The following PRELID2 variants were observed in gnomAD, a reference collection of about 807,000 sequenced individuals.
PRELID2 encodes the protein PRELI domain-containing protein 2.
Under a neutral mutation model 28.4 loss-of-function variants are expected in PRELID2, and 25 were observed. The ratio of observed to expected loss-of-function variants is 0.88; its 90% CI spans 0.64 to 1.23. The LOEUF is 1.23. Ranked by LOEUF, PRELID2 falls within the 50% of genes most tolerant of loss-of-function variation. The pLI is 0.00. For missense variants in PRELID2, 201 were observed against 214.4 expected, an observed-to-expected ratio of 0.94 and a Z score of 0.39; for synonymous variants, 76 against 71.6, an observed-to-expected ratio of 1.06 and a Z score of -0.31.
intron 1 of PRELID2, among the ~76,000 whole-genome samples, chr5:145,484,770 G>C (rs140713580): frequency 1.6e-3 from 242 of 152,202 alleles, no homozygotes; most frequent in African/African-American, 5.5e-3. Context: ...AGCCAACAAG[G>C]AGTTCACTTA....
chr5:145,774,362 T>C (rs1382566372), intron 5 of PRELID2, among the ~76,000 whole-genome samples: 1 of 152,278 alleles, frequency 6.6e-6, no homozygotes, highest in African/African-American at 2.4e-5. Context: ...AATGTGTTTC[T>C]GTGCCTGAAA....
chr5:145,230,041 T>C, the PRELID2 span: 2 of 701,488 alleles, frequency 2.9e-6, no homozygotes, highest in Non-Finnish European at 5.3e-6. Context: ...CAGAGTAAGT[T>C]CACTGCCAGA....
chr5:145,833,458 G>C (rs1271415737), intron 1 of PRELID2, among the ~76,000 whole-genome samples: 1 of 152,136 alleles, frequency 6.6e-6, no homozygotes, highest in African/African-American at 2.4e-5. Context: ...TTACTTTTTG[G>C]GCCCAGAAGC....
At chr5:145,257,830 C>A in the PRELID2 span, among the ~76,000 whole-genome samples, 1 of 152,118 alleles carries the variant, frequency 6.6e-6, no homozygotes, top group Admixed American at 6.6e-5. Context: ...CGTGTTCCCA[C>A]CCAAATCTCA....
intron 1 of PRELID2, among the ~76,000 whole-genome samples, chr5:145,564,945 A>G (rs937640048): frequency 2.0e-5 from 3 of 152,104 alleles, no homozygotes; most frequent in Admixed American, 2.0e-4. Flanking sequence ...ATGAAGTGAC[A>G]CCCCACCCTG....
intron 1 of PRELID2, among the ~76,000 whole-genome samples, chr5:145,628,373 G>A (rs1753882108): frequency 6.6e-6 from 1 of 152,028 alleles, no homozygotes; most frequent in African/African-American, 2.4e-5. Flanking sequence ...ATCCAGGCTG[G>A]AGTGCAGTGG....
intron 4 of PRELID2, among the ~76,000 whole-genome samples, chr5:145,809,868 T>A (rs1753811334): frequency 6.6e-6 from 1 of 152,218 alleles, no homozygotes; most frequent in Admixed American, 6.5e-5. Context: ...TCTTCCAGAA[T>A]TACATTGCAG....
chr5:145,389,920 T>G, the PRELID2 span, among the ~76,000 whole-genome samples: 4 of 152,222 alleles, frequency 2.6e-5, no homozygotes, highest in Admixed American at 2.6e-4. Context: ...TAAACAATGC[T>G]AGTAATTGTG....
At chr5:145,723,519 C>T (rs1756049455) in intron 1 of PRELID2, among the ~76,000 whole-genome samples, 1 of 152,072 alleles carries the variant, frequency 6.6e-6, no homozygotes, top group African/African-American at 2.4e-5. Context: ...TAACTAAAGC[C>T]TTAATAAAAC....
chr5:145,471,316 C>T (rs1397757015), downstream of PRELID2, among the ~76,000 whole-genome samples: 1 of 152,102 alleles, frequency 6.6e-6, no homozygotes, highest in African/African-American at 2.4e-5. Flanking sequence ...TTACAAACCT[C>T]CCACTCACAA....
chr5:145,802,788 C>A (rs960127611), intron 4 of PRELID2, among the ~76,000 whole-genome samples: 3 of 152,108 alleles, frequency 2.0e-5, no homozygotes, highest in African/African-American at 7.2e-5. Context: ...TCCCAGAACA[C>A]CTTTGTGAAA....
the PRELID2 span, among the ~76,000 whole-genome samples, chr5:145,275,687 C>T: frequency 6.6e-6 from 1 of 152,040 alleles, no homozygotes; most frequent in Non-Finnish European, 1.5e-5. Flanking sequence ...CATGCACTAG[C>T]GTGAGTACTC....
the PRELID2 span, chr5:145,229,037 G>A: frequency 8.7e-6 from 14 of 1,601,170 alleles, no homozygotes; most frequent in African/African-American, 4.0e-5. Flanking sequence ...TCATCTGGGC[G>A]GCCATCCAGT....
the PRELID2 span, among the ~76,000 whole-genome samples, chr5:145,259,524 T>C: frequency 2.6e-5 from 4 of 152,218 alleles, no homozygotes; most frequent in Non-Finnish European, 5.9e-5. Context: ...TTTTGGCGCT[T>C]TAAGATTTAA....
At chr5:145,572,410 ATTC>A (rs544482693) in intron 1 of PRELID2, among the ~76,000 whole-genome samples, 79 of 152,292 alleles carry the variant, frequency 5.2e-4, no homozygotes, top group South Asian at 2.3e-3. Context: ...ACAGAGTTCT[ATTC>A]TTTTTGTTGA....
At chr5:145,342,457 A>C in the PRELID2 span, among the ~76,000 whole-genome samples, 1 of 152,176 alleles carries the variant, frequency 6.6e-6, no homozygotes, top group African/African-American at 2.4e-5. Flanking sequence ...TAAACAATTA[A>C]AAATGTAACA....
chr5:145,301,124 G>C, the PRELID2 span, among the ~76,000 whole-genome samples: 1 of 151,994 alleles, frequency 6.6e-6, no homozygotes, highest in African/African-American at 2.4e-5. Context: ...ACATTTGTGA[G>C]GTTCAGTTGA....
chr5:145,762,823 C>T (rs115676600), intron 6 of PRELID2, among the ~76,000 whole-genome samples: 421 of 152,262 alleles, frequency 2.8e-3, no homozygotes, highest in African/African-American at 9.8e-3. Context: ...AAAAGTTGAC[C>T]GAATACATGA....
At chr5:145,685,908 T>G (rs901639670) in intron 1 of PRELID2, among the ~76,000 whole-genome samples, 7 of 152,162 alleles carry the variant, frequency 4.6e-5, no homozygotes, top group African/African-American at 1.7e-4. Flanking sequence ...CTCCAAGATT[T>G]TCTGAGGAAG....
Sources: gnomAD v4.1 joint callset for allele counts (sites outside exome capture counted in the v4.1 genomes callset) on GRCh38, gnomAD v4.1.1 for gene constraint, MANE v1.5 for transcripts, NCBI Gene and HGNC (gene_info 2026-07-23, HGNC 2026-07-21) for gene names.